CDH13: variants seen among roughly 807,000 people sequenced by gnomAD.
CDH13 encodes the protein cadherin 13, also known as cadherin-13.
CDH13 carries 24 observed loss-of-function variants against 63.8 expected under a neutral mutation model. That is an observed-to-expected ratio of 0.38 (90% confidence interval 0.27 to 0.53). The LOEUF is 0.53. CDH13 is among the 20% of genes least tolerant of loss of function. The pLI is 0.85. For missense variants in CDH13, 1,049 were observed against 903.1 expected (o/e 1.16, Z -2.07); for synonymous variants, 503 against 355.3 (o/e 1.42, Z -4.67).
intron 7 of CDH13, among the ~76,000 whole-genome samples, chr16:83,511,173 G>T (rs921500252): frequency 7.2e-5 from 11 of 152,100 alleles, no homozygotes; most frequent in African/African-American, 2.2e-4. Flanking sequence ...CACACAGAAT[G>T]GTTCGTGGCC....
chr16:82,911,589 A>T (rs192447598), intron 2 of CDH13, among the ~76,000 whole-genome samples: 2 of 152,290 alleles, frequency 1.3e-5, no homozygotes, highest in East Asian at 3.9e-4. Context: ...CTGCAGGATA[A>T]TTGTCAGGAT....
At chr16:82,691,472 G>A (rs990350198) in intron 1 of CDH13, among the ~76,000 whole-genome samples, 4 of 152,108 alleles carry the variant, frequency 2.6e-5, no homozygotes, top group African/African-American at 4.8e-5. Context: ...ACAATTCTGA[G>A]GCCTGTGCCA....
intron 10 of CDH13, among the ~76,000 whole-genome samples, chr16:83,746,118 T>C (rs552126924): frequency 4.7e-4 from 72 of 152,292 alleles, no homozygotes; most frequent in South Asian, 1.0e-3. Flanking sequence ...GGTAACAAAG[T>C]ATTGCAAACA....
intron 1 of CDH13, among the ~76,000 whole-genome samples, chr16:82,784,217 G>A (rs999898883): frequency 1.3e-5 from 2 of 152,186 alleles, no homozygotes; most frequent in East Asian, 3.8e-4. Flanking sequence ...TCAGGCTGAT[G>A]GGTGACCCTG....
intron 1 of CDH13, among the ~76,000 whole-genome samples, chr16:82,737,507 C>G (rs963438914): frequency 2.6e-5 from 4 of 152,192 alleles, no homozygotes; most frequent in Non-Finnish European, 4.4e-5. Context: ...GGTCTGATGA[C>G]TTGTTTCAAA....
chr16:83,298,209 C>T (rs1393228038), intron 5 of CDH13, among the ~76,000 whole-genome samples: 1 of 151,980 alleles, frequency 6.6e-6, no homozygotes, highest in Non-Finnish European at 1.5e-5. Flanking sequence ...CCCCACTGCA[C>T]TCCAGGCTGG....
At chr16:83,573,016 G>A (rs139817680) in intron 7 of CDH13, among the ~76,000 whole-genome samples, 7 of 152,240 alleles carry the variant, frequency 4.6e-5, no homozygotes, top group South Asian at 2.1e-4. Flanking sequence ...CCTTGAACAC[G>A]TTGACATACG....
intron 3 of CDH13, among the ~76,000 whole-genome samples, chr16:83,086,712 C>G (rs547720524): frequency 6.6e-6 from 1 of 152,182 alleles, no homozygotes; most frequent in African/African-American, 2.4e-5. Context: ...TGCACACCAC[C>G]AGTCTCAAAT....
At chr16:83,126,054 G>C (rs2035798146) in intron 4 of CDH13, among the ~76,000 whole-genome samples, 1 of 152,180 alleles carries the variant, frequency 6.6e-6, no homozygotes, top group East Asian at 1.9e-4. Context: ...TACGGATACT[G>C]CCTCATCAGT....
chr16:83,171,435 A>G, intron 4 of CDH13: 1 of 1,133,780 alleles, frequency 8.8e-7, no homozygotes. Flanking sequence ...GGGTGAGGAC[A>G]CAGATCCAAA....
intron 6 of CDH13, among the ~76,000 whole-genome samples, chr16:83,399,275 T>C (rs78928744): frequency 0.019 from 2,823 of 152,330 alleles, 96 homozygotes; most frequent in African/African-American, 0.065. Context: ...CTTATTATGA[T>C]GATCAATTAA....
intron 1 of CDH13, among the ~76,000 whole-genome samples, chr16:82,635,960 G>A (rs912164651): frequency 1.3e-5 from 2 of 151,958 alleles, no homozygotes; most frequent in African/African-American, 4.8e-5. Context: ...CTTCTGCCAC[G>A]ATTGTAAGTT....
intron 1 of CDH13, among the ~76,000 whole-genome samples, chr16:82,702,606 C>A (rs1033745705): frequency 2.1e-5 from 3 of 140,518 alleles, no homozygotes; most frequent in Non-Finnish European, 3.1e-5. Flanking sequence ...ATCAATAAAA[C>A]TTCCATTTGG....
In CDH13 at chr16:83,398,560, C is replaced by T; in HGVS notation, c.781+53554C>T. 1.3e-5 allele frequency among the ~76,000 whole-genome samples: 2 copies of T among 152,292 alleles called. 1 individual carries two copies. Among genetic ancestry groups the T allele is most frequent in the Admixed American group, 1.3e-4 (2 of 15,306 alleles). On this transcript the variant is annotated intron_variant, in intron 6 of 13. Transcript: ENST00000567109. ...CCCCACTTATTTTCCAAATAAGATT[C>T]ATGCACAGGTTCCAGGGATAAGGAC...
At chr16:83,626,563 A>G (rs144715133) in intron 8 of CDH13, among the ~76,000 whole-genome samples, 8 of 152,252 alleles carry the variant, frequency 5.3e-5, no homozygotes, top group East Asian at 1.9e-4. Context: ...TGGGGCTGAC[A>G]GGGATTTCTT....
rs746150422 is a variant in CDH13, at chr16:82,674,968, GAAGA to G, written c.45+47836_45+47839del. Among the ~76,000 whole-genome samples, 7 of 152,300 alleles carry G rather than the reference GAAGA, an allele frequency of 4.6e-5. No individual in the cohort carries two copies. In the South Asian group the frequency reaches 6.2e-4, roughly 14 times the overall value. ...GCTATAATCTGTCAATCAGGTGTCA[GAAGA>G]AAGAGTCTCTCAAAGCTTTGAAGCA... On this transcript the variant is annotated intron_variant, in intron 1 of 13. Coordinates refer to ENST00000567109, the MANE Select transcript of CDH13 (RefSeq NM_001257.5).
At chr16:82,881,629 G>A (rs2040705319) in intron 2 of CDH13, among the ~76,000 whole-genome samples, 1 of 152,176 alleles carries the variant, frequency 6.6e-6, no homozygotes, top group South Asian at 2.1e-4. Flanking sequence ...GTCCTGAAAA[G>A]GAATACAACA....
intron 8 of CDH13, among the ~76,000 whole-genome samples, chr16:83,647,911 A>T (rs1452797032): frequency 6.6e-6 from 1 of 152,138 alleles, no homozygotes; most frequent in African/African-American, 2.4e-5. Flanking sequence ...TGCCATGGGG[A>T]TGTGTTATAA....
At chr16:82,840,283 T>C (rs903487754) in intron 1 of CDH13, among the ~76,000 whole-genome samples, 2 of 151,674 alleles carry the variant, frequency 1.3e-5, no homozygotes, top group Non-Finnish European at 2.9e-5. Flanking sequence ...GCGATGTCCT[T>C]AGTCTGAGGA....
Sources: allele counts gnomAD v4.1 joint callset (sites outside exome capture counted in the v4.1 genomes callset), GRCh38; gene constraint gnomAD v4.1.1; transcripts MANE v1.5; gene names NCBI Gene and HGNC (gene_info 2026-07-23, HGNC 2026-07-21).